KIF5B: variants seen among roughly 807,000 people sequenced by gnomAD.
KIF5B encodes kinesin-1 heavy chain.
Under a neutral mutation model 132.8 loss-of-function variants are expected in KIF5B, and 49 were observed. The ratio of observed to expected loss-of-function variants is 0.37; its 90% confidence interval spans 0.29 to 0.47. The LOEUF is 0.47. Among genes scored for constraint, KIF5B ranks in the 20% least tolerant of loss-of-function variants. KIF5B has a pLI of 1.00. For synonymous variants in KIF5B, 355 were observed against 369.4 expected, an observed-to-expected ratio of 0.96 and a Z score of 0.45; for missense variants, 780 against 1,144.0, an observed-to-expected ratio of 0.68 and a Z score of 4.59.
intron 13 of KIF5B, 89 bp downstream of exon 13, chr10:32,032,617 T>C: frequency 9.9e-7 from 1 of 1,012,796 alleles, no homozygotes. Flanking sequence ...TACCCAAAAT[T>C]ATACAACTAT....
chr10:32,022,941 A>G lies in KIF5B; in HGVS notation c.1821T>C (p.Arg607=), dbSNP rs1841284924. ...TTTGTGTGCTTTCTAACTGCTTGCA[A>G]CGTTTCACCATGGTTTTTACTTCTG... ...MKSEVKTMVK[R]CKQLESTQTE... The change falls in exon 16 of 26, where the codon CGT becomes CGC. Residue 607 remains arginine (R), a synonymous_variant. Coordinates refer to ENST00000302418, the MANE Select transcript of KIF5B (RefSeq NM_004521.3). 2.5e-6 allele frequency: 4 copies of G among 1,613,488 alleles called. No homozygotes were observed. Among genetic ancestry groups the G allele is most frequent in the Middle Eastern group, 1.7e-4 (1 of 6,060 alleles).
chr10:32,038,707 AGT>A, intron 5 of KIF5B, 69 bp downstream of exon 5: 1 of 890,340 alleles, frequency 1.1e-6, no homozygotes, highest in South Asian at 1.6e-5. Context: ...ACAAAGAAAT[AGT>A]CTCACATCTA....
intron 11 of KIF5B, among the ~76,000 whole-genome samples, 178 bp downstream of exon 11, chr10:32,034,512 C>CAA (rs1841440313): frequency 3.3e-5 from 5 of 152,144 alleles, no homozygotes; most frequent in African/African-American, 1.2e-4. Context: ...TGGTCTCTTG[C>CAA]ATTTTGCTCA....
At position 32,040,414 on chromosome 10, in the gene KIF5B, T is replaced by C. The variant is rs1161184238; in HGVS notation, c.258A>G (p.Gln86=). 3.7e-6 allele frequency: 6 copies of C among 1,601,370 alleles called. No individual in the cohort carries two copies. The Admixed American group carries it at 5.0e-5, about 13-fold the overall frequency. The change falls in exon 3 of 26, where the codon CAA becomes CAG. Residue 86 remains glutamine, a synonymous_variant. Coordinates refer to ENST00000302418, the MANE Select transcript of KIF5B (RefSeq NM_004521.3). ...GYNGTIFAYG[Q]TSSGKTHTME... ...TTGTGTGTGTCTTCCCAGAGGATGT[T>C]TGTCCATATGCAAATATTGTTCCAT...
intron 15 of KIF5B, among the ~76,000 whole-genome samples, chr10:32,024,179 G>A: frequency 1.9e-5 from 2 of 105,764 alleles, no homozygotes; most frequent in African/African-American, 7.3e-5. Context: ...TTTTGAGACG[G>A]AGTCTCGCTC....
intron 1 of KIF5B, among the ~76,000 whole-genome samples, chr10:32,051,147 T>A (rs1841689250): frequency 6.6e-6 from 1 of 152,240 alleles, no homozygotes; most frequent in Non-Finnish European, 1.5e-5. Context: ...TCAAGTAATG[T>A]CAAGAGAATT....
chr10:32,038,354 G>A (rs1841488541), intron 5 of KIF5B, 136 bp from the exon 6 acceptor site: 2 of 659,274 alleles, frequency 3.0e-6, no homozygotes, highest in East Asian at 2.6e-5. Context: ...TTGCTCTAAA[G>A]CAGACCTTAC....
intron 19 of KIF5B, among the ~76,000 whole-genome samples, chr10:32,020,420 GAA>G (rs1174300188): frequency 6.6e-6 from 1 of 151,054 alleles, no homozygotes; most frequent in African/African-American, 2.4e-5. Flanking sequence ...AGAATTTCCA[GAA>G]AAGTTTTTCC....
In KIF5B at chr10:32,022,865, G is replaced by C. The variant is rs2132587555; in HGVS notation, c.1897C>G (p.Gln633Glu). ...EENEKELAAC[Q>E]LRISQHEAKI... is the part of the protein sequence containing the mutation. ...TAACATACTTGAGAGATACGAAGCT[G>C]ACATGCTGCTAACTCCTTTTCATTT... Residue 633 changes from glutamine (Q) to glutamate (E), a missense_variant, in exon 16 of 26, where the codon CAG (glutamine) becomes GAG (glutamate). By Grantham distance (29) the Gln-to-Glu change is conservative. Coordinates refer to ENST00000302418, the MANE Select transcript of KIF5B (RefSeq NM_004521.3). 6.2e-7 allele frequency: 1 copy of C among 1,610,322 alleles called. No homozygotes were observed. The highest frequency in any genetic ancestry group is 1.3e-5 in the African/African-American group (1 of 74,984).
At chr10:32,045,246 CT>C (rs1464333860) in intron 2 of KIF5B, among the ~76,000 whole-genome samples, 15 of 152,102 alleles carry the variant, frequency 9.9e-5, no homozygotes, top group African/African-American at 3.6e-4. Context: ...GGATAAGTAA[CT>C]TTAAGACCAA....
intron 19 of KIF5B, among the ~76,000 whole-genome samples, chr10:32,020,436 T>G (rs1243035066): frequency 6.6e-6 from 1 of 151,686 alleles, no homozygotes; most frequent in Non-Finnish European, 1.5e-5. Flanking sequence ...TTTTTCCCAG[T>G]TAAGAATTTT....
chr10:32,014,288 G>A lies in KIF5B; in HGVS notation c.*20+1221C>T, dbSNP rs971418200. 2.6e-5 allele frequency among the ~76,000 whole-genome samples: 4 copies of A among 152,140 alleles called. No homozygotes were observed. The East Asian group carries it at 7.7e-4, about 29-fold the overall frequency. ...CGCCTGTAATCCCAGCTACTTGGGA[G>A]GCTGAGGCAGGAGAATCGCTTCAAC... On this transcript the variant is annotated intron_variant, in intron 25 of 25. Coordinates refer to ENST00000302418, the MANE Select transcript of KIF5B (RefSeq NM_004521.3).
At chr10:32,053,862 C>T (rs529539389) in intron 1 of KIF5B, among the ~76,000 whole-genome samples, 1 of 151,994 alleles carries the variant, frequency 6.6e-6, no homozygotes, top group Non-Finnish European at 1.5e-5. Flanking sequence ...CCTAATATTA[C>T]CATTTATATA....
In KIF5B at chr10:32,041,299, T is replaced by A. The variant is rs1340081206; in HGVS notation, c.215-842A>T. On this transcript the variant is annotated intron_variant, in intron 2 of 25. Transcript: ENST00000302418. ...AAATATATAACAACAGTAATTTTCT[T>A]AGTGATGACCCATCTAAGCAATTTT... Among the ~76,000 whole-genome samples the A allele has an allele frequency of 2.6e-5, 4 of 152,182 alleles. No homozygotes were observed. In the East Asian group the frequency reaches 5.8e-4, roughly 22 times the overall value.
Position 32,022,848 on chromosome 10 carries a change from T to G in KIF5B, c.1914A>C (p.Gln638His), listed in dbSNP as rs770656156. The change falls in exon 16 of 26, where the codon CAA (glutamine) becomes CAC (histidine). Residue 638 changes from glutamine to histidine, a missense_variant and splice_region_variant. This residue lies in a region of KIF5B where 471 missense variants were observed against 569.9 expected (regional missense o/e 0.83). Coordinates refer to ENST00000302418, the MANE Select transcript of KIF5B (RefSeq NM_004521.3). ...ELAACQLRIS[Q>H]HEAKIKSLTE... Reference sequence around the variant, plus strand: ...GAATAAACTTTGTTCTATAACATACTTGAGAGATACGAAGCTGACATGCTG... The same window carrying G: ...GAATAAACTTTGTTCTATAACATACGTGAGAGATACGAAGCTGACATGCTG... 2 of 1,600,614 alleles carry G rather than the reference T, an allele frequency of 1.2e-6. No individual in the cohort carries two copies. The highest frequency in any genetic ancestry group is 1.7e-6 in the Non-Finnish European group (2 of 1,170,788).
intron 24 of KIF5B, 59 bp downstream of exon 24, chr10:32,017,084 C>A: frequency 7.2e-7 from 1 of 1,386,378 alleles, no homozygotes; most frequent in Non-Finnish European, 1.0e-6. Context: ...TTACGTTTTC[C>A]ACTAAATGAA....
intron 3 of KIF5B, among the ~76,000 whole-genome samples, 162 bp from the exon 4 acceptor site, chr10:32,039,593 AC>A (rs1480451102): frequency 6.6e-6 from 1 of 152,182 alleles, no homozygotes; most frequent in African/African-American, 2.4e-5. Flanking sequence ...TATTACACAT[AC>A]ACAGTACTGT....
At chr10:32,025,018 G>C (rs1351645361) in intron 15 of KIF5B, among the ~76,000 whole-genome samples, 1 of 151,166 alleles carries the variant, frequency 6.6e-6, no homozygotes, top group African/African-American at 2.4e-5. Flanking sequence ...CGGAGGTTAT[G>C]GTGGGCCAAA....
chr10:32,037,438 T>C (rs1019052615), intron 7 of KIF5B, 60 bp from the exon 8 acceptor site: 63 of 1,598,494 alleles, frequency 3.9e-5, no homozygotes, highest in Non-Finnish European at 5.1e-5. Flanking sequence ...ACAATTTCCC[T>C]GAAGCAATCT....
Sources: gnomAD v4.1 joint callset for allele counts (sites outside exome capture counted in the v4.1 genomes callset) on GRCh38, gnomAD v4.1.1 for gene constraint, gnomAD v4.1.1 regional missense constraint, MANE v1.5 for transcripts, NCBI Gene and HGNC (gene_info 2026-07-23, HGNC 2026-07-21) for gene names.